HDAC9: variants seen among roughly 807,000 people sequenced by gnomAD.
HDAC9 encodes MEF-2 interacting transcription repressor (MITR) protein.
In HDAC9, 41 loss-of-function variants were observed where a neutral mutation model predicts 139.4. That is an observed-to-expected ratio of 0.29 (90% CI 0.23 to 0.38). The LOEUF (loss-of-function observed/expected upper bound fraction) is 0.38. Ranked by LOEUF, HDAC9 falls within the 10% of genes least tolerant of loss-of-function variation. HDAC9 has a pLI of 1.00. For missense variants in HDAC9, 1,147 were observed against 1,297.0 expected, an observed-to-expected ratio of 0.88 and a Z score of 1.78; for synonymous variants, 517 against 476.2, an observed-to-expected ratio of 1.09 and a Z score of -1.12.
At chr7:18,559,492 C>G (rs1052049580) in intron 2 of HDAC9, among the ~76,000 whole-genome samples, 1 of 152,154 alleles carries the variant, frequency 6.6e-6, no homozygotes, top group Non-Finnish European at 1.5e-5. Context: ...GAGGGACAAG[C>G]AAGCCTGAAC....
intron 2 of HDAC9, among the ~76,000 whole-genome samples, chr7:18,533,437 T>G (rs1165687019): frequency 2.0e-5 from 3 of 152,206 alleles, no homozygotes; most frequent in Non-Finnish European, 4.4e-5. Context: ...ATTTGTTGAA[T>G]TTTTACATAC....
chr7:18,342,410 T>G (rs555129777), intron 1 of HDAC9, among the ~76,000 whole-genome samples: 2 of 152,038 alleles, frequency 1.3e-5, no homozygotes, highest in South Asian at 4.2e-4. Context: ...TGTTGCCTCA[T>G]GTCCAGTGTC....
At chr7:18,351,241 A>G (rs1471924653) in intron 1 of HDAC9, among the ~76,000 whole-genome samples, 2 of 152,106 alleles carry the variant, frequency 1.3e-5, no homozygotes, top group Non-Finnish European at 2.9e-5. Context: ...TTACTTATAT[A>G]ATTTTTATTT....
chr7:18,400,643 G>A (rs1787454872), intron 1 of HDAC9, among the ~76,000 whole-genome samples: 1 of 152,124 alleles, frequency 6.6e-6, no homozygotes, highest in African/African-American at 2.4e-5. Flanking sequence ...ACTTAGAAAA[G>A]TTGAGAACCC....
rs868347548 is a variant in HDAC9 at position 18,327,410 on chromosome 7, A to G, written c.-42+36895A>G. On this transcript the variant is annotated intron_variant, in intron 1 of 3. Coordinates refer to the HDAC9 transcript ENST00000413509. ...TTTTCAGTAAATATTTGTTAGAACT[A>G]TATGAAATTGCTGATAATTGATCAT... 2.0e-4 allele frequency: 30 copies of G among 152,084 alleles called. No individual in the cohort carries two copies. The Middle Eastern group carries it at 0.014, about 69-fold the overall frequency. The allele number at this position is 152,084 out of a possible 1,614,324, so 9.4% of individuals were successfully genotyped here.
Position 18,996,568 on chromosome 7 carries a change from T to C in HDAC9, c.*506T>C, listed in dbSNP as rs1786476940. 6.6e-6 allele frequency: 1 copy of C among 152,514 alleles called. No homozygotes were observed. Among genetic ancestry groups the C allele is most frequent in the African/African-American group, 2.4e-5 (1 of 41,454 alleles). The allele number at this position is 152,514 out of a possible 1,614,324, so 9.4% of individuals were successfully genotyped here. ...GATCGTAATTCCACCCAGAATGTAA[T>C]GTTTCTTGTTTGTTTGTTTTGTTTT... On this transcript the variant is annotated 3_prime_UTR_variant, in exon 26 of 26. Coordinates refer to ENST00000686413, the MANE Select transcript of HDAC9 (RefSeq NM_178425.4).
intron 16 of HDAC9, among the ~76,000 whole-genome samples, chr7:18,773,277 G>A (rs1790469374): frequency 6.6e-6 from 1 of 151,682 alleles, no homozygotes; most frequent in Non-Finnish European, 1.5e-5. Context: ...GCCAAAATGA[G>A]ATGGCTAAAA....
intron 2 of HDAC9, among the ~76,000 whole-genome samples, chr7:18,246,485 A>T (rs1456018149): frequency 6.6e-6 from 1 of 152,090 alleles, no homozygotes; most frequent in African/African-American, 2.4e-5. Context: ...CCAAAGGAGA[A>T]CCCATATTCA....
chr7:18,392,612 C>T (rs1473102632), intron 1 of HDAC9, among the ~76,000 whole-genome samples: 1 of 151,942 alleles, frequency 6.6e-6, no homozygotes, highest in Non-Finnish European at 1.5e-5. Flanking sequence ...TGCAATTTTC[C>T]AGAGAATGGT....
At chr7:18,347,499 A>G (rs1782507929) in intron 1 of HDAC9, among the ~76,000 whole-genome samples, 1 of 152,224 alleles carries the variant, frequency 6.6e-6, no homozygotes, top group Admixed American at 6.5e-5. Context: ...TAACAAAAAC[A>G]ACAACTCCCA....
At chr7:18,124,311 TC>T (rs1784530105) in intron 1 of HDAC9, among the ~76,000 whole-genome samples, 1 of 152,154 alleles carries the variant, frequency 6.6e-6, no homozygotes, top group Non-Finnish European at 1.5e-5. Flanking sequence ...AAGGGCAAGG[TC>T]AGAAAAATTT....
intron 2 of HDAC9, among the ~76,000 whole-genome samples, chr7:18,531,761 C>T (rs1809042268): frequency 6.6e-6 from 1 of 150,874 alleles, no homozygotes; most frequent in African/African-American, 2.4e-5. Flanking sequence ...AACTCAATAC[C>T]CTTAACCTCC....
At chr7:18,446,633 A>T (rs1324674110) in intron 1 of HDAC9, among the ~76,000 whole-genome samples, 3 of 152,226 alleles carry the variant, frequency 2.0e-5, no homozygotes, top group East Asian at 3.8e-4. Flanking sequence ...CAGCAAAAGC[A>T]CTGTTGATAT....
intron 1 of HDAC9, among the ~76,000 whole-genome samples, chr7:18,366,817 C>G (rs1484165736): frequency 6.6e-6 from 1 of 152,012 alleles, no homozygotes; most frequent in Non-Finnish European, 1.5e-5. Flanking sequence ...TGTATTGACT[C>G]TCCTATTTTT....
intron 12 of HDAC9, among the ~76,000 whole-genome samples, chr7:18,718,552 C>T (rs1413892031): frequency 1.3e-5 from 2 of 152,066 alleles, no homozygotes; most frequent in Non-Finnish European, 2.9e-5. Context: ...TCTTTTGTGA[C>T]TATTCTCTCA....
rs1584265912 is a variant in HDAC9, at chr7:18,137,637, G to A, written c.-96-24592G>A. Among the ~76,000 whole-genome samples the A allele has an allele frequency of 5.3e-5, 8 of 150,468 alleles. No homozygotes were observed. The East Asian group carries it at 1.4e-3, about 26-fold the overall frequency. ...GATTTGCGTATATTGAACCAGCCTT[G>A]CATCCCAGGGATGAAGCCCACTTGA... On this transcript the variant is annotated intron_variant, in intron 1 of 12. Transcript: ENST00000417496.
chr7:18,616,950 A>T (rs1302370112), intron 6 of HDAC9, among the ~76,000 whole-genome samples: 1 of 152,220 alleles, frequency 6.6e-6, no homozygotes, highest in Non-Finnish European at 1.5e-5. Context: ...CGTTTAAAAA[A>T]TGTACGTGCA....
At chr7:18,844,936 G>A (rs1796813203) in intron 21 of HDAC9, among the ~76,000 whole-genome samples, 1 of 152,100 alleles carries the variant, frequency 6.6e-6, no homozygotes. Context: ...AAACAGCACT[G>A]TAGAAATGAT....
At chr7:18,909,055 A>G (rs1003022962) in intron 22 of HDAC9, among the ~76,000 whole-genome samples, 2 of 151,928 alleles carry the variant, frequency 1.3e-5, no homozygotes, top group African/African-American at 4.8e-5. Flanking sequence ...CACCAGCACT[A>G]GTTATTGTTT....
Sources: allele counts gnomAD v4.1 joint callset (sites outside exome capture counted in the v4.1 genomes callset), GRCh38; gene constraint gnomAD v4.1.1; transcripts MANE v1.5; gene names NCBI Gene and HGNC (gene_info 2026-07-23, HGNC 2026-07-21).